The following KLHL32 variants were observed in gnomAD, a reference collection of about 807,000 sequenced individuals.
KLHL32 encodes the protein kelch like family member 32, also known as kelch-like protein 32.
In KLHL32, 35 loss-of-function variants were observed where a neutral mutation model predicts 64.8. That is an observed-to-expected ratio of 0.54 (90% CI 0.41 to 0.72). The LOEUF (loss-of-function observed/expected upper bound fraction) is 0.72, where lower values mean the gene tolerates loss of function less well. Ranked by LOEUF, KLHL32 falls within the 30% of genes least tolerant of loss-of-function variation. The pLI is 0.00. For synonymous variants in KLHL32, 259 were observed against 281.0 expected, an observed-to-expected ratio of 0.92 and a Z score of 0.78; for missense variants, 589 against 768.5, an observed-to-expected ratio of 0.77 and a Z score of 2.76.
intron 7 of KLHL32, among the ~76,000 whole-genome samples, chr6:97,120,237 T>TG (rs908828874): frequency 6.6e-6 from 1 of 152,034 alleles, no homozygotes; most frequent in Non-Finnish European, 1.5e-5. Flanking sequence ...GAGATAATTA[T>TG]GGGTGTGAAC....
chr6:97,026,467 T>C (rs928183598), intron 3 of KLHL32, among the ~76,000 whole-genome samples: 1 of 152,274 alleles, frequency 6.6e-6, no homozygotes, highest in Non-Finnish European at 1.5e-5. Context: ...GCCAGGGAAA[T>C]GGTTGCTTAG....
At chr6:97,108,896 T>TA (rs150801774) in intron 6 of KLHL32, among the ~76,000 whole-genome samples, 4,983 of 152,294 alleles carry the variant, frequency 0.033, 275 homozygotes, top group African/African-American at 0.11. Context: ...TGCTTAAATT[T>TA]AAAAAACAGA....
At chr6:96,955,417 CTT>C (rs1773134553) in intron 1 of KLHL32, among the ~76,000 whole-genome samples, 2 of 152,090 alleles carry the variant, frequency 1.3e-5, no homozygotes, top group Admixed American at 6.5e-5. Flanking sequence ...AATTTCTTCT[CTT>C]GTTCTCTTTG....
the KLHL32 span, among the ~76,000 whole-genome samples, chr6:96,913,561 T>C: frequency 6.6e-6 from 1 of 152,186 alleles, no homozygotes; most frequent in Non-Finnish European, 1.5e-5. Flanking sequence ...CCAATAACTT[T>C]TTGCAAGCGG....
At chr6:97,115,166 C>T (rs867505131) in intron 7 of KLHL32, among the ~76,000 whole-genome samples, 1 of 152,146 alleles carries the variant, frequency 6.6e-6, no homozygotes, top group Non-Finnish European at 1.5e-5. Flanking sequence ...CAGGAGCACA[C>T]CACCACACCC....
At chr6:96,903,298 C>T in the KLHL32 span, among the ~76,000 whole-genome samples, 2 of 151,900 alleles carry the variant, frequency 1.3e-5, no homozygotes, top group Non-Finnish European at 1.5e-5. Context: ...TACTTACTCT[C>T]ATTCCCTTGT....
chr6:97,000,402 G>T (rs1778886301), intron 3 of KLHL32, among the ~76,000 whole-genome samples: 1 of 152,176 alleles, frequency 6.6e-6, no homozygotes, highest in African/African-American at 2.4e-5. Context: ...TTTTTGACAG[G>T]AAGTCTTTCT....
At position 96,931,746 on chromosome 6, in the gene KLHL32, A is replaced by T. The variant is rs76963554; in HGVS notation, c.-66+6720A>T. ...AGCTCCAGAAAAGAATATGGTAAAAAATGTTTTGTAATGGAGATTGATTAT... is the reference window on the plus strand; with the variant it reads ...AGCTCCAGAAAAGAATATGGTAAAATATGTTTTGTAATGGAGATTGATTAT... On this transcript the variant is annotated intron_variant, in intron 1 of 10. Transcript: ENST00000369261. Among the ~76,000 whole-genome samples, 94 of 152,280 alleles carry T rather than the reference A, an allele frequency of 6.2e-4. 1 individual carries two copies. In the East Asian group the frequency reaches 0.017, roughly 28 times the overall value.
intron 7 of KLHL32, among the ~76,000 whole-genome samples, chr6:97,117,059 TC>T (rs751801380): frequency 2.0e-5 from 3 of 152,184 alleles, no homozygotes; most frequent in Admixed American, 6.5e-5. Flanking sequence ...TCTAATACCT[TC>T]AGTCATCTGC....
chr6:96,971,827 A>G (rs1209329552), intron 2 of KLHL32, among the ~76,000 whole-genome samples: 2 of 152,194 alleles, frequency 1.3e-5, no homozygotes, highest in East Asian at 3.9e-4. Flanking sequence ...AATTTCAGGT[A>G]GCTATATTAA....
chr6:96,964,292 G>A (rs1484270821), intron 1 of KLHL32, among the ~76,000 whole-genome samples: 1 of 152,204 alleles, frequency 6.6e-6, no homozygotes, highest in African/African-American at 2.4e-5. Context: ...GGGAGAAGAA[G>A]TGTCTGCCTG....
chr6:96,928,431 G>A (rs1769439000), intron 1 of KLHL32, among the ~76,000 whole-genome samples: 5 of 152,188 alleles, frequency 3.3e-5, no homozygotes, highest in Admixed American at 3.3e-4. Context: ...TGCAGCAGAG[G>A]ATGCAACTGC....
intron 6 of KLHL32, among the ~76,000 whole-genome samples, chr6:97,087,858 T>C (rs1469442902): frequency 6.6e-6 from 1 of 152,188 alleles, no homozygotes; most frequent in African/African-American, 2.4e-5. Context: ...CCGAACCAAC[T>C]CTTTTTCACT....
At chr6:96,994,600 T>C (rs1483572789) in intron 3 of KLHL32, 7 of 985,330 alleles carry the variant, frequency 7.1e-6, no homozygotes, top group Non-Finnish European at 8.4e-6. Flanking sequence ...TCTTTTCCTT[T>C]ATATTGGTCT....
intron 1 of KLHL32, among the ~76,000 whole-genome samples, chr6:96,934,945 G>T (rs1229976328): frequency 6.6e-6 from 1 of 152,150 alleles, no homozygotes; most frequent in Non-Finnish European, 1.5e-5. Context: ...TCAAATTGTA[G>T]CTTGATCTTT....
the KLHL32 span, among the ~76,000 whole-genome samples, chr6:96,906,131 T>C: frequency 2.6e-5 from 4 of 152,108 alleles, no homozygotes; most frequent in Admixed American, 2.6e-4. Flanking sequence ...TGTGACACTG[T>C]TAGGTGAGGC....
chr6:97,118,619 C>CAAAAA lies in KLHL32; in HGVS notation c.1354+4121_1354+4125dup, dbSNP rs376156341. Among the ~76,000 whole-genome samples the CAAAAA allele has an allele frequency of 1.3e-4, 13 of 101,322 alleles. 2 individuals are homozygous for CAAAAA. Among genetic ancestry groups the CAAAAA allele is most frequent in the Non-Finnish European group, 1.5e-4 (8 of 53,620 alleles). The allele number at this position is 101,322 out of a possible 152,430, so 66.5% of individuals were successfully genotyped here. On this transcript the variant is annotated intron_variant, in intron 7 of 10. Transcript: ENST00000369261. Reference sequence around the variant, plus strand: ...GGGCAAGAAAAGCGAAACTGCATCTCAAAAAAAAAAAAAAAGAATTGTAGA... The same window carrying CAAAAA: ...GGGCAAGAAAAGCGAAACTGCATCTCAAAAAAAAAAAAAAAAAAAAGAATTGTAGA...
chr6:97,090,686 T>C (rs1200738738), intron 6 of KLHL32, among the ~76,000 whole-genome samples: 1 of 152,246 alleles, frequency 6.6e-6, no homozygotes, highest in African/African-American at 2.4e-5. Flanking sequence ...ATTAAAATAC[T>C]TCCAATTTGA....
chr6:97,115,324 AGTTT>A (rs377231884), intron 7 of KLHL32, among the ~76,000 whole-genome samples: 68 of 152,300 alleles, frequency 4.5e-4, no homozygotes, highest in African/African-American at 1.6e-3. Flanking sequence ...CCTAAAACAA[AGTTT>A]GTTTGTTTTT....
Sources: gnomAD v4.1 joint callset for allele counts (sites outside exome capture counted in the v4.1 genomes callset) on GRCh38, gnomAD v4.1.1 for gene constraint, MANE v1.5 for transcripts, NCBI Gene and HGNC (gene_info 2026-07-23, HGNC 2026-07-21) for gene names.